APBB2: variants seen among roughly 807,000 people sequenced by gnomAD.
APBB2 encodes amyloid beta precursor protein binding family B member 2, also known as Fe65-like 1.
APBB2 carries 38 observed loss-of-function variants against 82.5 expected under a neutral mutation model. The observed-to-expected ratio is 0.46, with a 90% confidence interval of 0.36 to 0.60. APBB2 has a LOEUF of 0.60. APBB2 is among the 20% of genes least tolerant of loss of function. The pLI is 0.00. For missense variants in APBB2, 772 were observed against 972.3 expected (o/e 0.79, Z 2.74); for synonymous variants, 341 against 368.2 (o/e 0.93, Z 0.85).
intron 10 of APBB2, among the ~76,000 whole-genome samples, chr4:40,933,222 G>T (rs567946106): frequency 6.6e-6 from 1 of 152,282 alleles, no homozygotes; most frequent in South Asian, 2.1e-4. Context: ...GGGGATACTT[G>T]TAAGTGCAAA....
intron 6 of APBB2, among the ~76,000 whole-genome samples, chr4:40,968,655 C>T (rs1376522861): frequency 6.6e-6 from 1 of 152,160 alleles, no homozygotes; most frequent in Admixed American, 6.5e-5. Flanking sequence ...ACATGCCTTA[C>T]ATATCTGTAT....
At chr4:41,032,451 G>A (rs1717177955) in intron 5 of APBB2, among the ~76,000 whole-genome samples, 1 of 151,694 alleles carries the variant, frequency 6.6e-6, no homozygotes, top group South Asian at 2.1e-4. Flanking sequence ...GTTTTCCTAA[G>A]GCCTGAAATT....
At chr4:41,052,218 TAC>T (rs1726236908) in intron 4 of APBB2, among the ~76,000 whole-genome samples, 1 of 151,002 alleles carries the variant, frequency 6.6e-6, no homozygotes, top group African/African-American at 2.5e-5. Flanking sequence ...AATACATACA[TAC>T]ATACATACAT....
chr4:41,177,175 T>A (rs540228079), intron 1 of APBB2, among the ~76,000 whole-genome samples: 1 of 152,208 alleles, frequency 6.6e-6, no homozygotes, highest in African/African-American at 2.4e-5. Flanking sequence ...ACACCACAGA[T>A]GCTATCTGCT....
chr4:40,974,638 A>T (rs557549017), intron 6 of APBB2, among the ~76,000 whole-genome samples: 2 of 152,374 alleles, frequency 1.3e-5, no homozygotes, highest in South Asian at 4.1e-4. Flanking sequence ...AATTTCAGGC[A>T]TATCTAATTC....
intron 4 of APBB2, among the ~76,000 whole-genome samples, chr4:41,049,055 C>G (rs1485857682): frequency 6.6e-6 from 1 of 152,064 alleles, no homozygotes; most frequent in Admixed American, 6.5e-5. Context: ...TCCCAAAGTG[C>G]CGAGATTGCA....
intron 2 of APBB2, among the ~76,000 whole-genome samples, chr4:41,115,663 C>A (rs1033972550): frequency 6.0e-4 from 91 of 152,280 alleles, no homozygotes; most frequent in African/African-American, 2.1e-3. Context: ...AGGATATGAA[C>A]AGACACTTCT....
At chr4:41,019,973 CAGAG>C (rs1811035919) in intron 5 of APBB2, among the ~76,000 whole-genome samples, 4 of 150,408 alleles carry the variant, frequency 2.7e-5, no homozygotes, top group African/African-American at 9.8e-5. Context: ...GAGGGAAAGA[CAGAG>C]ACAGAGAGAG....
Position 40,854,552 on chromosome 4 carries a change from C to T in APBB2, c.1530-23975G>A, listed in dbSNP as rs142427124. Reference sequence around the variant, plus strand: ...CTGTAATCCCAGCACTTTGGGAGGCCGAGATGGACAGATAAGCTAATGCCA... The same window carrying T: ...CTGTAATCCCAGCACTTTGGGAGGCTGAGATGGACAGATAAGCTAATGCCA... On this transcript the variant is annotated intron_variant, in intron 12 of 17. Coordinates refer to ENST00000508593, the MANE Select transcript of APBB2 (RefSeq NM_004307.2). Among the ~76,000 whole-genome samples, 486 of 152,072 alleles carry T rather than the reference C, an allele frequency of 3.2e-3. 3 individuals carry two copies. The highest frequency in any genetic ancestry group is 0.011 in the African/African-American group (455 of 41,480).
chr4:41,171,466 C>T (rs562707722), intron 1 of APBB2, among the ~76,000 whole-genome samples: 24 of 152,040 alleles, frequency 1.6e-4, no homozygotes, highest in African/African-American at 4.1e-4. Flanking sequence ...CAGAAGCCAA[C>T]TTTGAATCTT....
chr4:41,198,945 T>C (rs1776016706), intron 1 of APBB2, among the ~76,000 whole-genome samples: 1 of 152,162 alleles, frequency 6.6e-6, no homozygotes, highest in Non-Finnish European at 1.5e-5. Flanking sequence ...GTGTCCAAAT[T>C]TCCCTCTTCT....
At chr4:40,871,038 A>G (rs1301024093) in intron 12 of APBB2, among the ~76,000 whole-genome samples, 1 of 151,654 alleles carries the variant, frequency 6.6e-6, no homozygotes, top group Non-Finnish European at 1.5e-5. Context: ...GTCTCTCAGA[A>G]GGACACTTAT....
intron 17 of APBB2, among the ~76,000 whole-genome samples, chr4:40,820,862 T>C (rs1263055471): frequency 2.0e-5 from 3 of 151,726 alleles, no homozygotes; most frequent in Non-Finnish European, 4.4e-5. Flanking sequence ...GTGCCCACAC[T>C]CATATAGCTC....
chr4:41,159,946 A>AGGAGG lies in APBB2; in HGVS notation c.-416-16805_-416-16804insCCTCC, dbSNP rs1560912851. Among the ~76,000 whole-genome samples the AGGAGG allele has an allele frequency of 4.3e-3, 203 of 47,506 alleles. 25 individuals carry two copies. The highest frequency in any genetic ancestry group is 0.037 in the East Asian group (66 of 1,800). The allele number at this position is 47,506 out of a possible 152,430, so 31.2% of individuals were successfully genotyped here. A position where few individuals can be genotyped will look rare whatever the true frequency, so the allele number is the denominator to read the frequency against. ...GGAGGAGGAGGAGGAGGAGGAGGAGAAGGAGAAGGAGAAGGAGAAGAAGAA... is the reference window on the plus strand; with the variant it reads ...GGAGGAGGAGGAGGAGGAGGAGGAGAGGAGGAGGAGAAGGAGAAGGAGAAGAAGAA... On this transcript the variant is annotated intron_variant, in intron 1 of 17. Coordinates refer to ENST00000508593, the MANE Select transcript of APBB2 (RefSeq NM_004307.2).
At chr4:40,907,336 TTTAATATATTACATATATATATATATA>T (rs1777048690) in intron 10 of APBB2, among the ~76,000 whole-genome samples, 1 of 142,468 alleles carries the variant, frequency 7.0e-6, no homozygotes, top group African/African-American at 2.6e-5. Flanking sequence ...TTTAATTTAA[TTTAATATATTACATATATATATATATA>T]TATATATATA....
intron 4 of APBB2, among the ~76,000 whole-genome samples, chr4:41,061,923 C>T (rs150915373): frequency 1.3e-5 from 2 of 152,338 alleles, no homozygotes; most frequent in South Asian, 2.1e-4. Context: ...ATTCCGACCA[C>T]ACCTGATGAT....
chr4:41,049,123 C>T (rs1724652031), intron 4 of APBB2, among the ~76,000 whole-genome samples: 1 of 149,146 alleles, frequency 6.7e-6, no homozygotes, highest in Admixed American at 6.6e-5. Context: ...CCTGGCCGCC[C>T]ATCGTCTGAG....
At chr4:41,087,433 TTTTTC>T (rs1740156501) in intron 3 of APBB2, among the ~76,000 whole-genome samples, 1 of 152,122 alleles carries the variant, frequency 6.6e-6, no homozygotes, top group African/African-American at 2.4e-5. Context: ...AATACATATT[TTTTTC>T]TTTTCTTTTG....
intron 6 of APBB2, among the ~76,000 whole-genome samples, chr4:40,952,858 C>T (rs1317306084): frequency 1.3e-5 from 2 of 152,170 alleles, no homozygotes; most frequent in Admixed American, 6.5e-5. Context: ...CTGTATCACG[C>T]GCCCTGTGTC....
Sources: allele counts gnomAD v4.1 joint callset (sites outside exome capture counted in the v4.1 genomes callset), GRCh38; gene constraint gnomAD v4.1.1; transcripts MANE v1.5; gene names NCBI Gene and HGNC (gene_info 2026-07-23, HGNC 2026-07-21).